The following KCNK2 variants were observed in gnomAD, a reference collection of about 807,000 sequenced individuals.
KCNK2 encodes the protein potassium channel subfamily K member 2.
In KCNK2, 21 loss-of-function variants were observed where a neutral mutation model predicts 40.5. The ratio of observed to expected loss-of-function variants is 0.52; its 90% CI spans 0.37 to 0.75. KCNK2 has a LOEUF of 0.75. Ranked by LOEUF, KCNK2 falls within the 30% of genes least tolerant of loss-of-function variation. The pLI, the probability that KCNK2 is intolerant of heterozygous loss-of-function variation, is 0.00. For missense variants in KCNK2, 399 were observed against 531.6 expected, an observed-to-expected ratio of 0.75 and a Z score of 2.45; for synonymous variants, 191 against 202.2, an observed-to-expected ratio of 0.94 and a Z score of 0.47.
intron 3 of KCNK2, among the ~76,000 whole-genome samples, chr1:215,146,260 G>A (rs1282083727): frequency 6.6e-6 from 1 of 152,130 alleles, no homozygotes; most frequent in Admixed American, 6.5e-5. Context: ...CAAAGGAATA[G>A]CCCTTCAACG....
At chr1:215,232,359 AC>A (rs1273176406) in intron 6 of KCNK2, among the ~76,000 whole-genome samples, 1 of 152,220 alleles carries the variant, frequency 6.6e-6, no homozygotes, top group African/African-American at 2.4e-5. Context: ...GTACTATAAG[AC>A]CTTTTTTTGC....
In KCNK2 at chr1:215,083,227, CT is replaced by C; in HGVS notation, c.-158del. On this transcript the variant is annotated 5_prime_UTR_variant, in exon 1 of 7. Transcript: ENST00000444842. Reference sequence around the variant, plus strand: ...CCGCCCCCTCCCGCGTCCAGCCCCGCTCTCCCCACCTTGTAAAACAAAGCCG... The same window carrying C: ...CCGCCCCCTCCCGCGTCCAGCCCCGCCTCCCCACCTTGTAAAACAAAGCCG... 4 of 1,566,674 alleles carry C rather than the reference CT, an allele frequency of 2.6e-6. No homozygotes were observed. Among genetic ancestry groups the C allele is most frequent in the East Asian group, 2.4e-5 (1 of 41,578 alleles).
At chr1:215,063,720 G>A (rs1658436513) in intron 1 of KCNK2, among the ~76,000 whole-genome samples, 1 of 152,134 alleles carries the variant, frequency 6.6e-6, no homozygotes, top group South Asian at 2.1e-4. Context: ...CTTGTGATTG[G>A]GACGAGAATA....
At chr1:215,209,463 T>TATATATATATAATATATA (rs1558140238) in intron 6 of KCNK2, among the ~76,000 whole-genome samples, 1 of 5,248 alleles carries the variant, frequency 1.9e-4, no homozygotes, top group African/African-American at 3.2e-4. Context: ...TTATATATTA[T>TATATATATATAATATATA]ATATAATATA....
intron 6 of KCNK2, among the ~76,000 whole-genome samples, chr1:215,225,837 T>C (rs1392483441): frequency 6.6e-6 from 1 of 152,114 alleles, no homozygotes; most frequent in Non-Finnish European, 1.5e-5. Flanking sequence ...GGAAGGAAGG[T>C]TGAACTTGAT....
chr1:215,135,706 T>G (rs1388920744), intron 3 of KCNK2, among the ~76,000 whole-genome samples: 3 of 151,976 alleles, frequency 2.0e-5, no homozygotes, highest in Non-Finnish European at 4.4e-5. Flanking sequence ...TTTAATGAAA[T>G]GGCCAACCAG....
In KCNK2 at chr1:215,047,636, A is replaced by G. The variant is rs574844332; in HGVS notation, c.35-38732A>G. ...ATTGATGTTTGCTCCCTCTGTTAGTAGAAAAACTTCAAATATCCTAGAAAA... is the reference window on the plus strand; with the variant it reads ...ATTGATGTTTGCTCCCTCTGTTAGTGGAAAAACTTCAAATATCCTAGAAAA... On this transcript the variant is annotated intron_variant, in intron 1 of 6. Coordinates refer to the KCNK2 transcript ENST00000391895. Among the ~76,000 whole-genome samples the G allele has an allele frequency of 2.0e-5, 3 of 152,258 alleles. No homozygotes were observed. In the East Asian group the frequency reaches 5.8e-4, roughly 29 times the overall value.
chr1:215,091,653 G>A (rs1464010840), intron 2 of KCNK2, among the ~76,000 whole-genome samples: 2 of 152,178 alleles, frequency 1.3e-5, no homozygotes, highest in Admixed American at 6.5e-5. Flanking sequence ...AAGGTAATAT[G>A]TTTGATAGAA....
intron 4 of KCNK2, among the ~76,000 whole-genome samples, chr1:215,170,911 A>G (rs1020950187): frequency 6.6e-6 from 1 of 152,098 alleles, no homozygotes; most frequent in African/African-American, 2.4e-5. Flanking sequence ...CCTTATGGTG[A>G]TGACATTCCA....
chr1:215,088,177 C>T (rs1190963723), intron 2 of KCNK2, among the ~76,000 whole-genome samples: 2 of 152,024 alleles, frequency 1.3e-5, no homozygotes, highest in African/African-American at 4.8e-5. Flanking sequence ...TACTAAAAAT[C>T]TTTGAAAAAT....
intron 3 of KCNK2, among the ~76,000 whole-genome samples, chr1:215,155,720 C>T (rs1159148532): frequency 6.6e-6 from 1 of 152,046 alleles, no homozygotes; most frequent in East Asian, 1.9e-4. Context: ...GGGGTTTCAC[C>T]ATGTTGGCCA....
In KCNK2 at chr1:215,229,960, A is replaced by C. The variant is rs866722587; in HGVS notation, c.964-4868A>C. Among the ~76,000 whole-genome samples the C allele has an allele frequency of 2.6e-5, 4 of 151,234 alleles. No homozygotes were observed. In the South Asian group the frequency reaches 8.3e-4, roughly 31 times the overall value. On this transcript the variant is annotated intron_variant, in intron 6 of 6. Coordinates refer to ENST00000444842, the MANE Select transcript of KCNK2 (RefSeq NM_001017425.3). ...ATCATCTTCACCTATTATCATAATT[A>C]ATAATTGTATAGCCCTTTATATTTT...
intron 1 of KCNK2, among the ~76,000 whole-genome samples, chr1:215,077,629 C>T (rs1658991900): frequency 1.3e-5 from 2 of 151,962 alleles, no homozygotes; most frequent in Non-Finnish European, 2.9e-5. Flanking sequence ...GCCACCTGAC[C>T]TGGTTTCTAC....
rs1402714353 is a variant in KCNK2 at position 215,178,671 on chromosome 1, A to G, written c.823+6488A>G. On this transcript the variant is annotated intron_variant, in intron 5 of 6. Coordinates refer to ENST00000444842, the MANE Select transcript of KCNK2 (RefSeq NM_001017425.3). ...GTGGGAATCACATTTATTGATCTGT[A>G]TATGGTGAACCAACCTTGCATTCTA... Among the ~76,000 whole-genome samples the G allele has an allele frequency of 3.5e-4, 53 of 152,224 alleles. 1 individual carries two copies. Among genetic ancestry groups the G allele is most frequent in the Non-Finnish European group, 7.4e-5 (5 of 67,996 alleles).
chr1:215,100,226 G>T (rs1660151221), intron 2 of KCNK2, among the ~76,000 whole-genome samples: 1 of 151,982 alleles, frequency 6.6e-6, no homozygotes. Context: ...CTATGGTGTT[G>T]TGTGTGTTCT....
chr1:215,051,509 G>A (rs948387849), intron 1 of KCNK2, among the ~76,000 whole-genome samples: 21 of 152,134 alleles, frequency 1.4e-4, no homozygotes, highest in African/African-American at 5.1e-4. Context: ...TAGAGCCAGG[G>A]CAGCTCCAAG....
intron 2 of KCNK2, among the ~76,000 whole-genome samples, chr1:215,089,675 G>A (rs1659609195): frequency 6.6e-6 from 1 of 152,114 alleles, no homozygotes; most frequent in Non-Finnish European, 1.5e-5. Context: ...GGACCTTCAA[G>A]ACAAGGTTGA....
At chr1:215,213,359 A>T (rs1470530543) in intron 6 of KCNK2, among the ~76,000 whole-genome samples, 1 of 152,208 alleles carries the variant, frequency 6.6e-6, no homozygotes, top group East Asian at 1.9e-4. Context: ...CTGTAATTCC[A>T]GTACTTTGGG....
At chr1:215,177,740 A>ATATTTATATTT (rs71167812) in intron 5 of KCNK2, among the ~76,000 whole-genome samples, 1 of 101,600 alleles carries the variant, frequency 9.8e-6, no homozygotes, top group South Asian at 3.0e-4. Context: ...ATATATATAT[A>ATATTTATATTT]TTTTTTTTTT....
Sources: allele counts gnomAD v4.1 joint callset (sites outside exome capture counted in the v4.1 genomes callset), GRCh38; gene constraint gnomAD v4.1.1; transcripts MANE v1.5; gene names NCBI Gene and HGNC (gene_info 2026-07-23, HGNC 2026-07-21).